BICD1: variants seen among roughly 807,000 people sequenced by gnomAD.
The protein encoded by BICD1 is BICD cargo adaptor 1, also known as protein bicaudal D homolog 1.
A neutral mutation model predicts 92.5 loss-of-function variants in BICD1; 35 were observed. The ratio of observed to expected loss-of-function variants is 0.38; its 90% CI spans 0.29 to 0.50. BICD1 has a LOEUF of 0.50. Ranked by LOEUF, BICD1 falls within the 20% of genes least tolerant of loss-of-function variation. The probability of loss-of-function intolerance (pLI) is 0.93; values close to 1 mark genes in which losing one functional copy is unlikely to be tolerated. For synonymous variants in BICD1, 429 were observed against 465.1 expected (o/e 0.92, Z 1.00); for missense variants, 950 against 1,189.8 (o/e 0.80, Z 2.97).
In BICD1 at chr12:32,198,323, C is replaced by CATAT. The variant is rs765984931; in HGVS notation, c.214-17922_214-17921insATAT. 9.2e-3 allele frequency among the ~76,000 whole-genome samples: 806 copies of CATAT among 87,888 alleles called. 58 individuals are homozygous for CATAT. Among genetic ancestry groups the CATAT allele is most frequent in the Middle Eastern group, 0.032 (5 of 156 alleles). The allele number at this position is 87,888 out of a possible 152,430, so 57.7% of individuals were successfully genotyped here. A position where few individuals can be genotyped will look rare whatever the true frequency, so the allele number is the denominator to read the frequency against. ...AGGGGATGATTATGGGAATAATATG[C>CATAT]ATCTATCTATATATATATATATATA... On this transcript the variant is annotated intron_variant, in intron 1 of 9. Coordinates refer to ENST00000652176, the MANE Select transcript of BICD1 (RefSeq NM_001714.4).
intron 2 of BICD1, among the ~76,000 whole-genome samples, chr12:32,221,947 A>C (rs1945544502): frequency 6.6e-6 from 1 of 152,166 alleles, no homozygotes; most frequent in African/African-American, 2.4e-5. Context: ...TTCTATCTTC[A>C]ACCTGTAGGT....
rs748165417 is a variant in BICD1 at position 32,338,849 on chromosome 12, G to A, written c.2634G>A (p.Gln878=). Residue 878 remains glutamine, a synonymous_variant, in exon 8 of 10, where the codon CAG becomes CAA. Transcript: ENST00000652176. The stretch of plus-strand genomic sequence containing the variant: ...GGACTTCAGGGGCTTCCTACCTACA[G>A]AATTTATTAAGAGTTCCCCCTGATC... ...RPRTSGASYL[Q]NLLRVPPDPT... The A allele has an allele frequency of 6.2e-7, 1 of 1,605,526 alleles. No individual in the cohort carries two copies. The highest frequency in any genetic ancestry group is 8.5e-7 in the Non-Finnish European group (1 of 1,176,428).
intron 1 of BICD1, chr12:32,108,470 T>A: frequency 4.3e-6 from 2 of 463,278 alleles, no homozygotes; most frequent in Non-Finnish European, 7.7e-6. Flanking sequence ...CGGTCTTTTT[T>A]ATCTGATTCT....
At chr12:32,115,386 G>GTTTTTTTTTTTTTTTTTT (rs149711623) in intron 1 of BICD1, among the ~76,000 whole-genome samples, 6 of 97,742 alleles carry the variant, frequency 6.1e-5, no homozygotes, top group Admixed American at 9.5e-5. Flanking sequence ...TGGTGTTTTT[G>GTTTTTTTTTTTTTTTTTT]GTTTTTTTTT....
At chr12:32,156,875 C>T (rs984276673) in intron 1 of BICD1, among the ~76,000 whole-genome samples, 5 of 152,166 alleles carry the variant, frequency 3.3e-5, no homozygotes, top group Non-Finnish European at 7.4e-5. Context: ...AAGAAACATT[C>T]CAACTGTTTG....
chr12:32,137,661 A>G (rs1321510472), intron 1 of BICD1, among the ~76,000 whole-genome samples: 1 of 152,198 alleles, frequency 6.6e-6, no homozygotes, highest in Non-Finnish European at 1.5e-5. Flanking sequence ...ACTTAGTCGT[A>G]TCAGTTTGAT....
intron 1 of BICD1, among the ~76,000 whole-genome samples, chr12:32,120,885 GAGAGAGA>G (rs752606977): frequency 2.2e-5 from 3 of 134,726 alleles, no homozygotes; most frequent in Non-Finnish European, 4.5e-5. Context: ...GAGAGAGAGA[GAGAGAGA>G]GAGAAAAAAA....
intron 2 of BICD1, among the ~76,000 whole-genome samples, chr12:32,223,931 T>G (rs1218434393): frequency 6.6e-6 from 1 of 152,180 alleles, no homozygotes; most frequent in Non-Finnish European, 1.5e-5. Context: ...ATGGGTTAAG[T>G]TTGCTGTCTT....
chr12:32,176,190 T>C (rs1307826990), intron 1 of BICD1, among the ~76,000 whole-genome samples: 1 of 152,246 alleles, frequency 6.6e-6, no homozygotes, highest in Non-Finnish European at 1.5e-5. Flanking sequence ...TCCAGTGAAC[T>C]TCACATGTAA....
intron 5 of BICD1, chr12:32,333,372 C>A: frequency 1.3e-6 from 1 of 763,364 alleles, no homozygotes; most frequent in Non-Finnish European, 1.6e-6. Flanking sequence ...AATCAAAACT[C>A]ACAAGAAACT....
chr12:32,297,946 G>A (rs1201119125), intron 3 of BICD1, among the ~76,000 whole-genome samples: 1 of 152,080 alleles, frequency 6.6e-6, no homozygotes, highest in African/African-American at 2.4e-5. Flanking sequence ...AGCACTTTGG[G>A]AGGCTGAGGA....
At chr12:32,241,231 A>T (rs1565611750) in intron 2 of BICD1, among the ~76,000 whole-genome samples, 2 of 152,218 alleles carry the variant, frequency 1.3e-5, no homozygotes, top group Non-Finnish European at 2.9e-5. Context: ...TTTCCTTCAG[A>T]AATTACCATT....
rs1278968499 is a variant in BICD1 at position 32,379,315 on chromosome 12, T to C, written c.*1688T>C. 1 of 152,166 alleles carries C rather than the reference T, an allele frequency of 6.6e-6. No individual in the cohort carries two copies. The highest frequency in any genetic ancestry group is 1.5e-5 in the Non-Finnish European group (1 of 68,036). The allele number at this position is 152,166 out of a possible 1,614,324, so 9.4% of individuals were successfully genotyped here. A position where few individuals can be genotyped will look rare whatever the true frequency, so the allele number is the denominator to read the frequency against. On this transcript the variant is annotated 3_prime_UTR_variant, in exon 10 of 10. Transcript: ENST00000652176. ...GAGCTTTCGTTAGTCATACGCCTAT[T>C]AAGTAGTGGTCGCTATTACCAAAGC...
rs532272913 is a variant in BICD1, at chr12:32,212,717, C to T, written c.214-3530C>T. Among the ~76,000 whole-genome samples the T allele has an allele frequency of 2.6e-5, 4 of 152,286 alleles. No homozygotes were observed. The East Asian group carries it at 7.7e-4, about 29-fold the overall frequency. ...GGATTACAGGCGTGAGCCACCGTGT[C>T]CAGCCTACCGTGACATTTTAAATTT... On this transcript the variant is annotated intron_variant, in intron 1 of 9. Transcript: ENST00000652176.
intron 4 of BICD1, among the ~76,000 whole-genome samples, chr12:32,306,774 A>G (rs944517293): frequency 6.6e-6 from 1 of 151,470 alleles, no homozygotes; most frequent in Non-Finnish European, 1.5e-5. Flanking sequence ...CAGCACTTTG[A>G]GAGGCTGAAG....
At chr12:32,323,816 C>T (rs1948711339) in intron 4 of BICD1, among the ~76,000 whole-genome samples, 1 of 152,122 alleles carries the variant, frequency 6.6e-6, no homozygotes, top group South Asian at 2.1e-4. Context: ...CCATGCAAAA[C>T]AAACTTAATA....
chr12:32,111,000 G>A (rs568197463), intron 1 of BICD1, among the ~76,000 whole-genome samples: 2 of 151,016 alleles, frequency 1.3e-5, no homozygotes, highest in Non-Finnish European at 3.0e-5. Flanking sequence ...TAAAAAAAAA[G>A]AGTTTTTTTT....
intron 1 of BICD1, among the ~76,000 whole-genome samples, chr12:32,191,614 T>C (rs950853305): frequency 7.8e-6 from 1 of 128,632 alleles, no homozygotes; most frequent in Admixed American, 7.7e-5. Flanking sequence ...ATATAATACG[T>C]ATATAATATA....
At chr12:32,363,883 T>C (rs1939425534) in intron 8 of BICD1, among the ~76,000 whole-genome samples, 2 of 152,158 alleles carry the variant, frequency 1.3e-5, no homozygotes, top group African/African-American at 4.8e-5. Flanking sequence ...AAGTTCCCCT[T>C]TCCTTATAGA....
Sources: allele counts gnomAD v4.1 joint callset (sites outside exome capture counted in the v4.1 genomes callset), GRCh38; gene constraint gnomAD v4.1.1; transcripts MANE v1.5; gene names NCBI Gene and HGNC (gene_info 2026-07-23, HGNC 2026-07-21).